TNPO1: variants seen among roughly 807,000 people sequenced by gnomAD.
The protein encoded by TNPO1 is transportin 1, also known as transportin-1.
In TNPO1, 8 loss-of-function variants were observed where a neutral mutation model predicts 119.5. That is an observed-to-expected ratio of 0.07 (90% CI 0.04 to 0.12). TNPO1 has a LOEUF of 0.12. Ranked by LOEUF, TNPO1 falls within the 10% of genes least tolerant of loss-of-function variation. TNPO1 has a pLI of 1.00. For synonymous variants in TNPO1, 362 were observed against 363.0 expected (o/e 1.00, Z 0.03); for missense variants, 576 against 1,089.8 (o/e 0.53, Z 6.64).
intron 13 of TNPO1, among the ~76,000 whole-genome samples, chr5:72,888,721 C>T (rs994552214): frequency 1.5e-4 from 23 of 152,288 alleles, no homozygotes; most frequent in Non-Finnish European, 2.5e-4. Flanking sequence ...GGAATAACAA[C>T]GTTTGAGCAG....
intron 18 of TNPO1, among the ~76,000 whole-genome samples, chr5:72,895,837 A>G (rs1749390432): frequency 6.6e-6 from 1 of 152,044 alleles, no homozygotes; most frequent in African/African-American, 2.4e-5. Context: ...GGTATCTTTG[A>G]TGTTTCAGAG....
At chr5:72,819,204 CAA>C (rs1363517102) in intron 1 of TNPO1, among the ~76,000 whole-genome samples, 1 of 152,144 alleles carries the variant, frequency 6.6e-6, no homozygotes, top group African/African-American at 2.4e-5. Context: ...CCACCCCAGG[CAA>C]AGAGGGGGAA....
At chr5:72,824,800 C>T (rs1744130447) in intron 1 of TNPO1, among the ~76,000 whole-genome samples, 1 of 144,926 alleles carries the variant, frequency 6.9e-6, no homozygotes, top group African/African-American at 2.7e-5. Flanking sequence ...GATCTTTAGC[C>T]CCCTCCTCAA....
chr5:72,897,628 TA>T (rs1749525960), intron 20 of TNPO1, among the ~76,000 whole-genome samples: 1 of 148,866 alleles, frequency 6.7e-6, no homozygotes, highest in Non-Finnish European at 1.5e-5. Context: ...ATTTTTTTTT[TA>T]ATTTATTTTT....
chr5:72,897,273 A>T lies in TNPO1; in HGVS notation c.2338+122A>T. On this transcript the variant is annotated intron_variant, in intron 20 of 24. Coordinates refer to ENST00000337273, the MANE Select transcript of TNPO1 (RefSeq NM_002270.4). Reference sequence around the variant, plus strand: ...CGAGCTTATTTTGTATTTAATTGCTATTTCGGATTTTCAGTAATGAAATAG... The same window carrying T: ...CGAGCTTATTTTGTATTTAATTGCTTTTTCGGATTTTCAGTAATGAAATAG... The T allele has an allele frequency of 4.8e-6, 3 of 631,314 alleles. No individual in the cohort carries two copies. The South Asian group carries it at 7.0e-5, about 15-fold the overall frequency. The allele number at this position is 631,314 out of a possible 1,614,324, so 39.1% of individuals were successfully genotyped here. A position where few individuals can be genotyped will look rare whatever the true frequency, so the allele number is the denominator to read the frequency against.
intron 4 of TNPO1, 57 bp downstream of exon 4, chr5:72,855,980 G>A (rs41271135): frequency 0.15 from 235,719 of 1,540,566 alleles, 19,427 homozygotes; most frequent in Middle Eastern, 0.17. Context: ...CATTTTTAGA[G>A]ATGACAGATT....
chr5:72,841,866 A>G (rs963574263), intron 1 of TNPO1, among the ~76,000 whole-genome samples: 3 of 151,220 alleles, frequency 2.0e-5, no homozygotes, highest in Admixed American at 2.0e-4. Context: ...CTTGCTCATC[A>G]TAGCATTTTT....
chr5:72,856,895 G>A (rs755331199), intron 4 of TNPO1, among the ~76,000 whole-genome samples: 7 of 152,158 alleles, frequency 4.6e-5, no homozygotes, highest in Non-Finnish European at 8.8e-5. Flanking sequence ...ATACTGAAGA[G>A]GAGCGTACTA....
intron 4 of TNPO1, among the ~76,000 whole-genome samples, chr5:72,857,316 C>CAA (rs5868650): frequency 7.9e-4 from 107 of 136,246 alleles, no homozygotes; most frequent in African/African-American, 2.4e-3. Context: ...AAATCTGTCT[C>CAA]AAAAAAAAAA....
chr5:72,900,705 A>G (rs887500909), intron 21 of TNPO1, among the ~76,000 whole-genome samples: 15 of 152,194 alleles, frequency 9.9e-5, no homozygotes, highest in African/African-American at 3.6e-4. Flanking sequence ...AGGCTCATTA[A>G]TAGTTTAAAT....
intron 1 of TNPO1, among the ~76,000 whole-genome samples, chr5:72,833,143 G>A (rs888426113): frequency 1.2e-4 from 19 of 152,008 alleles, no homozygotes; most frequent in African/African-American, 4.1e-4. Flanking sequence ...TAGACAATCC[G>A]AATTTGAGTT....
At position 72,896,386 on chromosome 5, in the gene TNPO1, T is replaced by C. The variant is rs531857208; in HGVS notation, c.2144-72T>C. 1.8e-5 allele frequency: 17 copies of C among 937,564 alleles called. No individual in the cohort carries two copies. The East Asian group carries it at 4.7e-4, about 26-fold the overall frequency. 58.1% of individuals were successfully genotyped at this position (937,564 alleles called of 1,614,324 possible). On this transcript the variant is annotated intron_variant, in intron 18 of 24. Transcript: ENST00000337273. ...TCTTGCTTAGATTTCTGTTTCCACC[T>C]AGTAGATTTCCTTTAAAGTACAATA... is the stretch of plus-strand genomic sequence containing the variant.
chr5:72,891,456 C>T (rs1168903879), intron 14 of TNPO1, among the ~76,000 whole-genome samples: 2 of 152,054 alleles, frequency 1.3e-5, no homozygotes, highest in Non-Finnish European at 2.9e-5. Context: ...CAGAGCAAGA[C>T]TCCGTCTCAA....
At chr5:72,856,614 A>G (rs1383911791) in intron 4 of TNPO1, among the ~76,000 whole-genome samples, 4 of 152,196 alleles carry the variant, frequency 2.6e-5, no homozygotes, top group Non-Finnish European at 5.9e-5. Flanking sequence ...TTAATTGCTT[A>G]TGAAAAACCT....
rs138351337 is a variant in TNPO1, at chr5:72,826,611, G to A, written c.15+9859G>A. Reference sequence around the variant, plus strand: ...AGTATTTGTTAAATGAATTGTTCGTGATGGTGCAAAATGGTAATTATGTTA... The same window carrying A: ...AGTATTTGTTAAATGAATTGTTCGTAATGGTGCAAAATGGTAATTATGTTA... On this transcript the variant is annotated intron_variant, in intron 1 of 24. Transcript: ENST00000337273. Among the ~76,000 whole-genome samples, 214 of 152,312 alleles carry A rather than the reference G, an allele frequency of 1.4e-3. 1 individual carries two copies. Among genetic ancestry groups the A allele is most frequent in the African/African-American group, 5.0e-3 (207 of 41,570 alleles).
intron 12 of TNPO1, among the ~76,000 whole-genome samples, chr5:72,887,614 A>G (rs1748744310): frequency 6.6e-6 from 1 of 152,156 alleles, no homozygotes; most frequent in Non-Finnish European, 1.5e-5. Context: ...GGACCTGGGA[A>G]GTGGTAGTTG....
At chr5:72,858,870 TTTG>T (rs890309779) in intron 4 of TNPO1, among the ~76,000 whole-genome samples, 2 of 151,810 alleles carry the variant, frequency 1.3e-5, no homozygotes, top group African/African-American at 4.8e-5. Flanking sequence ...ATTTTATAGT[TTTG>T]TTGTTGTTTT....
intron 12 of TNPO1, among the ~76,000 whole-genome samples, chr5:72,887,814 C>G (rs1381734395): frequency 2.6e-5 from 4 of 152,248 alleles, no homozygotes; most frequent in African/African-American, 7.2e-5. Context: ...AGGCAAGACT[C>G]TCTTCATTCT....
intron 1 of TNPO1, among the ~76,000 whole-genome samples, chr5:72,822,512 C>T (rs1744007937): frequency 6.6e-6 from 1 of 151,864 alleles, no homozygotes; most frequent in South Asian, 2.1e-4. Flanking sequence ...TAGGATTAGT[C>T]CTTGTTAGTA....
Sources: gnomAD v4.1 joint callset for allele counts (sites outside exome capture counted in the v4.1 genomes callset) on GRCh38, gnomAD v4.1.1 for gene constraint, MANE v1.5 for transcripts, NCBI Gene and HGNC (gene_info 2026-07-23, HGNC 2026-07-21) for gene names.